ADAMTS10: variants seen among roughly 807,000 people sequenced by gnomAD.
ADAMTS10 encodes the protein ADAM metallopeptidase with thrombospondin type 1 motif 10.
ADAMTS10 carries 48 observed loss-of-function variants against 135.9 expected under a neutral mutation model. The ratio of observed to expected loss-of-function variants is 0.35; its 90% CI spans 0.28 to 0.45. The LOEUF is 0.45. Among genes scored for constraint, ADAMTS10 ranks in the 20% least tolerant of loss-of-function variants. The pLI is 1.00. For missense variants in ADAMTS10, 1,131 were observed against 1,565.2 expected, an observed-to-expected ratio of 0.72 and a Z score of 4.68; for synonymous variants, 621 against 647.5, an observed-to-expected ratio of 0.96 and a Z score of 0.62.
chr19:8,599,821 G>A (rs902490191), intron 6 of ADAMTS10, among the ~76,000 whole-genome samples: 3 of 151,772 alleles, frequency 2.0e-5, no homozygotes, highest in African/African-American at 7.3e-5. Context: ...TGTTTCCCAG[G>A]CTGCTGTGTA....
At chr19:8,600,701 T>A (rs886231925) in intron 6 of ADAMTS10, among the ~76,000 whole-genome samples, 2 of 152,036 alleles carry the variant, frequency 1.3e-5, no homozygotes, top group African/African-American at 2.4e-5. Flanking sequence ...GGTTTCACCG[T>A]GTTAGCCAGG....
intron 12 of ADAMTS10, 53 bp downstream of exon 12, chr19:8,595,704 CCCCAG>C: frequency 3.6e-6 from 5 of 1,378,332 alleles, no homozygotes; most frequent in Non-Finnish European, 5.0e-6. Context: ...GAGTTCCCTC[CCCCAG>C]CCCCAGCGGC....
intron 25 of ADAMTS10, among the ~76,000 whole-genome samples, chr19:8,582,265 C>T (rs1369814528): frequency 7.2e-5 from 11 of 151,808 alleles, no homozygotes; most frequent in Admixed American, 5.3e-4. Flanking sequence ...GTCAGGAGAT[C>T]GAGACCATCC....
chr19:8,591,880 G>A lies in ADAMTS10; in HGVS notation c.1734-17C>T. The A allele has an allele frequency of 1.9e-6, 3 of 1,613,120 alleles. No homozygotes were observed. The highest frequency in any genetic ancestry group is 2.5e-6 in the Non-Finnish European group (3 of 1,179,996). On this transcript the variant is annotated splice_polypyrimidine_tract_variant and intron_variant, in intron 14 of 25. Coordinates refer to ENST00000597188, the MANE Select transcript of ADAMTS10 (RefSeq NM_030957.4). ...ATGGTTGGCCTGGAAAGGGTGGTGG[G>A]ATAGGAGAGGGATGAGGCAGTGGGC...
intron 2 of ADAMTS10, among the ~76,000 whole-genome samples, chr19:8,607,805 TCTC>T (rs2042736828): frequency 7.3e-6 from 1 of 136,568 alleles, no homozygotes; most frequent in African/African-American, 2.7e-5. Flanking sequence ...GTTGTTGTTC[TCTC>T]TCTCTCTCTC....
At chr19:8,595,426 C>T (rs2042590772) in intron 12 of ADAMTS10, among the ~76,000 whole-genome samples, 1 of 152,178 alleles carries the variant, frequency 6.6e-6, no homozygotes, top group Non-Finnish European at 1.5e-5. Context: ...TAGTTAAAAA[C>T]TGCCCCGTGA....
rs575205332 is a variant in ADAMTS10 at position 8,595,707 on chromosome 19, C to G, written c.1479+55G>C. On this transcript the variant is annotated intron_variant, in intron 12 of 25. Coordinates refer to ENST00000597188, the MANE Select transcript of ADAMTS10 (RefSeq NM_030957.4). ...GGTGCCCTGGTGGAGTTCCCTCCCCCAGCCCCAGCGGCCCCCTCCCCTCCC... is the reference window on the plus strand; with the variant it reads ...GGTGCCCTGGTGGAGTTCCCTCCCCGAGCCCCAGCGGCCCCCTCCCCTCCC... 3.5e-6 allele frequency: 5 copies of G among 1,420,578 alleles called. No individual in the cohort carries two copies. The African/African-American group carries it at 4.3e-5, about 12-fold the overall frequency. 88.0% of individuals were successfully genotyped at this position (1,420,578 alleles called of 1,614,324 possible).
In ADAMTS10 at chr19:8,596,457, G is replaced by A. The variant is rs782365871; in HGVS notation, c.1085-45C>T. ...GGGATGGGGCTGGGAGGCTCAGGAC[G>A]GTGCTGGCTGGCCCCATCCACCTGC... On this transcript the variant is annotated intron_variant, in intron 9 of 25. Coordinates refer to ENST00000597188, the MANE Select transcript of ADAMTS10 (RefSeq NM_030957.4). This position sits in a 1 kb window ranked among gnomAD's most constrained non-coding sequence, Gnocchi z 7.2. 5.6e-6 allele frequency: 9 copies of A among 1,612,560 alleles called. No homozygotes were observed. Among genetic ancestry groups the A allele is most frequent in the Admixed American group, 3.3e-5 (2 of 59,956 alleles).
chr19:8,608,995 G>A (rs1183420032), intron 1 of ADAMTS10, among the ~76,000 whole-genome samples: 1 of 150,808 alleles, frequency 6.6e-6, no homozygotes, highest in Non-Finnish European at 1.5e-5. Context: ...ACACAGCCCA[G>A]GGCACCAGGT....
At position 8,585,059 on chromosome 19, in the gene ADAMTS10, G is replaced by GAGGAGGC. The variant is rs2042406156; in HGVS notation, c.3043-6_3043-5insGCCTCCT. 8 of 1,516,654 alleles carry GAGGAGGC rather than the reference G, an allele frequency of 5.3e-6. No homozygotes were observed. The highest frequency in any genetic ancestry group is 1.4e-5 in the African/African-American group (1 of 72,064). 93.9% of individuals were successfully genotyped at this position (1,516,654 alleles called of 1,614,324 possible). On this transcript the variant is annotated splice_polypyrimidine_tract_variant and splice_region_variant and intron_variant, in intron 24 of 25. Coordinates refer to ENST00000597188, the MANE Select transcript of ADAMTS10 (RefSeq NM_030957.4). ...GACGCCGCACTGTGCAGAGCACTGC[G>GAGGAGGC]AGGGGGCACCACTCAGTTGCTGCCC... is the stretch of plus-strand genomic sequence containing the variant.
rs1173983145 is a variant in ADAMTS10 at position 8,589,920 on chromosome 19, C to T, written c.1869G>A (p.Gly623=). ...CSEFDSIPFR[G]KFYKWKTYRG... ...GGTACGTTTTCCACTTGTAGAATTT[C>T]CCACGGAAAGGGATGCTGTCAAATT... Residue 623 remains glycine (G), a synonymous_variant, in exon 16 of 26, where the codon GGG becomes GGA. Coordinates refer to ENST00000597188, the MANE Select transcript of ADAMTS10 (RefSeq NM_030957.4). The T allele has an allele frequency of 6.2e-7, 1 of 1,614,018 alleles. No homozygotes were observed. Among genetic ancestry groups the T allele is most frequent in the African/African-American group, 1.3e-5 (1 of 74,922 alleles).
chr19:8,600,560 G>A (rs1257028452), intron 6 of ADAMTS10, among the ~76,000 whole-genome samples: 2 of 145,732 alleles, frequency 1.4e-5, no homozygotes, highest in African/African-American at 5.1e-5. Flanking sequence ...GTGCAGTGGC[G>A]TGATCTTGGC....
intron 12 of ADAMTS10, 192 bp downstream of exon 12, chr19:8,595,570 T>C (rs2042592622): frequency 3.6e-6 from 3 of 842,736 alleles, no homozygotes; most frequent in African/African-American, 3.3e-5. Flanking sequence ...CCAAGCACTG[T>C]CTGATTGCTT....
At chr19:8,595,029 C>T (rs1031065375) in intron 12 of ADAMTS10, among the ~76,000 whole-genome samples, 22 of 152,112 alleles carry the variant, frequency 1.4e-4, no homozygotes, top group African/African-American at 5.1e-4. Context: ...AAACTCTGAT[C>T]GTTTGAGTTG....
rs2042606164 is a variant in ADAMTS10 at position 8,596,439 on chromosome 19, G to A, written c.1085-27C>T. 1 of 1,613,534 alleles carries A rather than the reference G, an allele frequency of 6.2e-7. No individual in the cohort carries two copies. The highest frequency in any genetic ancestry group is 8.5e-7 in the Non-Finnish European group (1 of 1,179,778). On this transcript the variant is annotated intron_variant, in intron 9 of 25. Transcript: ENST00000597188. The surrounding 1 kb of genome is among the most constrained non-coding windows in gnomAD (Gnocchi z 7.2). ...TGGGAAGACGGACATGTGGGGATGG[G>A]GCTGGGAGGCTCAGGACGGTGCTGG...
chr19:8,584,492 AAAAC>A (rs200296011), intron 25 of ADAMTS10, among the ~76,000 whole-genome samples: 5,617 of 141,364 alleles, frequency 0.04, 253 homozygotes, highest in African/African-American at 0.12. Context: ...CCAAAAAAGA[AAAAC>A]AAACAAACAA....
Position 8,584,945 on chromosome 19 carries a change from T to C in ADAMTS10, c.3152A>G (p.Gln1051Arg). 6.5e-7 allele frequency: 1 copy of C among 1,548,612 alleles called. No individual in the cohort carries two copies. Among genetic ancestry groups the C allele is most frequent in the Admixed American group, 2.0e-5 (1 of 50,970 alleles). ...GCTGTCGCACTTGGCCTCACACTGC[T>C]GCGTGGTGGGCGGCCGCAGGGCCTC... ...CTEALRPPTT[Q>R]QCEAKCDSPT... is the part of the protein sequence containing the mutation. The change falls in exon 25 of 26, where the codon CAG becomes CGG. Residue 1051 changes from glutamine to arginine, a missense_variant. Physicochemically the swap from Gln to Arg is conservative, Grantham distance 43. Coordinates refer to ENST00000597188, the MANE Select transcript of ADAMTS10 (RefSeq NM_030957.4).
At chr19:8,590,033 G>A in intron 15 of ADAMTS10, 42 bp from the exon 16 acceptor site, 1 of 1,423,230 alleles carries the variant, frequency 7.0e-7, no homozygotes, top group East Asian at 2.3e-5. Flanking sequence ...CCAGGCTTGG[G>A]GGGATGGAGT....
chr19:8,608,932 G>A (rs374691726), intron 1 of ADAMTS10, among the ~76,000 whole-genome samples: 9 of 151,076 alleles, frequency 6.0e-5, no homozygotes, highest in African/African-American at 2.2e-4. Context: ...TCTGCAGAAG[G>A]CTCACAGGCG....
Sources: gnomAD v4.1 joint callset for allele counts (sites outside exome capture counted in the v4.1 genomes callset) on GRCh38, gnomAD v4.1.1 for gene constraint, Gnocchi (gnomAD v3.1) non-coding constraint, MANE v1.5 for transcripts, NCBI Gene and HGNC (gene_info 2026-07-23, HGNC 2026-07-21) for gene names.